AGBL4: variants seen among roughly 807,000 people sequenced by gnomAD.
The protein encoded by AGBL4 is cytosolic carboxypeptidase 6.
AGBL4 carries 58 observed loss-of-function variants against 66.4 expected under a neutral mutation model. The observed-to-expected ratio is 0.87, with a 90% CI of 0.71 to 1.09. AGBL4 has a LOEUF of 1.09. AGBL4 is among the 50% of genes least tolerant of loss of function. The probability of loss-of-function intolerance (pLI) is 0.00; values close to 1 mark genes in which losing one functional copy is unlikely to be tolerated. For synonymous variants in AGBL4, 234 were observed against 222.9 expected, an observed-to-expected ratio of 1.05 and a Z score of -0.44; for missense variants, 579 against 631.0, an observed-to-expected ratio of 0.92 and a Z score of 0.88.
chr1:48,793,587 A>G (rs921697573), intron 6 of AGBL4, among the ~76,000 whole-genome samples: 2 of 152,186 alleles, frequency 1.3e-5, no homozygotes, highest in African/African-American at 4.8e-5. Flanking sequence ...AGAATGTAAT[A>G]TATGCCTGGC....
rs538075205 is a variant in AGBL4, at chr1:49,644,267, A to G, written c.282+53046T>C. 4.6e-5 allele frequency among the ~76,000 whole-genome samples: 7 copies of G among 151,810 alleles called. No homozygotes were observed. The South Asian group carries it at 1.4e-3, about 31-fold the overall frequency. The stretch of plus-strand genomic sequence containing the variant: ...CAAAAATGCTCTACTTACCAAAAGT[A>G]GGCACAAAAAGAGGCAACATTGAAC... On this transcript the variant is annotated intron_variant, in intron 3 of 13. Coordinates refer to ENST00000371839, the MANE Select transcript of AGBL4 (RefSeq NM_032785.4).
At chr1:49,918,602 C>G (rs1651842930) in intron 1 of AGBL4, among the ~76,000 whole-genome samples, 1 of 152,090 alleles carries the variant, frequency 6.6e-6, no homozygotes, top group Non-Finnish European at 1.5e-5. Context: ...TAATAGCCTA[C>G]CAACCAAAAA....
At chr1:49,515,789 C>CA (rs1477435851) in intron 3 of AGBL4, among the ~76,000 whole-genome samples, 2 of 148,782 alleles carry the variant, frequency 1.3e-5, no homozygotes, top group Non-Finnish European at 3.0e-5. Flanking sequence ...ACCGCAAGGA[C>CA]AAAAAACCAA....
intron 1 of AGBL4, among the ~76,000 whole-genome samples, chr1:49,898,715 A>T (rs1649463815): frequency 6.6e-6 from 1 of 152,170 alleles, no homozygotes; most frequent in Non-Finnish European, 1.5e-5. Flanking sequence ...GAAGCAACTC[A>T]AGTGCCTGTA....
chr1:48,845,135 T>C (rs1279553447), intron 6 of AGBL4, among the ~76,000 whole-genome samples: 1 of 152,162 alleles, frequency 6.6e-6, no homozygotes, highest in Non-Finnish European at 1.5e-5. Context: ...GGGTGGTTGG[T>C]CAGTCCTAAA....
chr1:49,624,016 T>A (rs942423631), intron 3 of AGBL4, among the ~76,000 whole-genome samples: 21 of 152,102 alleles, frequency 1.4e-4, no homozygotes, highest in African/African-American at 4.8e-4. Flanking sequence ...TGTGTGTGTG[T>A]GTGTGTGTGT....
At chr1:48,734,008 C>T (rs1192032413) in intron 6 of AGBL4, among the ~76,000 whole-genome samples, 2 of 152,160 alleles carry the variant, frequency 1.3e-5, no homozygotes, top group African/African-American at 4.8e-5. Context: ...GAGTCACGTT[C>T]CAACAAACAT....
chr1:49,111,572 C>T, intron 4 of AGBL4, among the ~76,000 whole-genome samples: 1 of 152,284 alleles, frequency 6.6e-6, no homozygotes, highest in Non-Finnish European at 1.5e-5. Flanking sequence ...CTTCTTTTGA[C>T]CATATCATCT....
intron 1 of AGBL4, among the ~76,000 whole-genome samples, chr1:49,875,670 C>T (rs1646980592): frequency 6.9e-6 from 1 of 144,980 alleles, no homozygotes; most frequent in African/African-American, 2.6e-5. Context: ...GGGTATATAC[C>T]CAGTAATGGG....
chr1:49,941,746 G>T (rs934018769), intron 1 of AGBL4, among the ~76,000 whole-genome samples: 9 of 151,850 alleles, frequency 5.9e-5, no homozygotes, highest in African/African-American at 1.7e-4. Context: ...ACATATTAAA[G>T]ACCATATATG....
rs536247964 is a variant in AGBL4 at position 49,578,350 on chromosome 1, G to A, written c.282+118963C>T. Among the ~76,000 whole-genome samples, 3 of 152,284 alleles carry A rather than the reference G, an allele frequency of 2.0e-5. No individual in the cohort carries two copies. In the South Asian group the frequency reaches 6.2e-4, roughly 32 times the overall value. ...GGCAAACTACAACAGCCCAATCCAG[G>A]CAGGACTGCAAATGGCCCAGACCCT... On this transcript the variant is annotated intron_variant, in intron 3 of 13. Transcript: ENST00000371839.
intron 3 of AGBL4, among the ~76,000 whole-genome samples, chr1:49,583,194 G>C (rs1397893351): frequency 6.6e-6 from 1 of 152,132 alleles, no homozygotes; most frequent in Non-Finnish European, 1.5e-5. Context: ...GATAGCTTCA[G>C]AATAAAGGCT....
At chr1:49,077,207 T>G (rs1033909406) in intron 4 of AGBL4, among the ~76,000 whole-genome samples, 5 of 146,780 alleles carry the variant, frequency 3.4e-5, no homozygotes, top group Non-Finnish European at 5.9e-5. Context: ...GCTTAAAGAT[T>G]GTCAGTGAAT....
chr1:49,424,625 C>A (rs1645617525), intron 3 of AGBL4, among the ~76,000 whole-genome samples: 1 of 152,172 alleles, frequency 6.6e-6, no homozygotes. Flanking sequence ...CCAGTTCCAG[C>A]AAGGCCTCAT....
chr1:49,082,475 T>C (rs1644825571), intron 4 of AGBL4, among the ~76,000 whole-genome samples: 1 of 152,318 alleles, frequency 6.6e-6, no homozygotes, highest in African/African-American at 2.4e-5. Context: ...ACATTTCACA[T>C]GTGGCAGGCA....
intron 6 of AGBL4, among the ~76,000 whole-genome samples, chr1:48,845,284 G>A (rs897021643): frequency 4.1e-4 from 63 of 152,264 alleles, no homozygotes; most frequent in African/African-American, 1.4e-3. Context: ...ATCGGAACAA[G>A]GTGACTTACA....
rs529907113 is a variant in AGBL4, at chr1:49,840,596, T to G, written c.157+10800A>C. The stretch of plus-strand genomic sequence containing the variant: ...GGAAACTTCAGGTCAATATCGCCAA[T>G]GAATGCAGACACAAAAATTCTCAAC... On this transcript the variant is annotated intron_variant, in intron 2 of 13. Coordinates refer to ENST00000371839, the MANE Select transcript of AGBL4 (RefSeq NM_032785.4). 7.9e-5 allele frequency among the ~76,000 whole-genome samples: 12 copies of G among 152,224 alleles called. No homozygotes were observed. The South Asian group carries it at 2.3e-3, about 29-fold the overall frequency.
chr1:50,023,744 A>T lies in AGBL4; in HGVS notation c.34+19T>A. Reference sequence around the variant, plus strand: ...GCCTGGCCGCCTCAGCCTTCCCCAGATCGGCCGCCCCCACAGACCTGCCTC... The same window carrying T: ...GCCTGGCCGCCTCAGCCTTCCCCAGTTCGGCCGCCCCCACAGACCTGCCTC... On this transcript the variant is annotated intron_variant, in intron 1 of 13. Coordinates refer to ENST00000371839, the MANE Select transcript of AGBL4 (RefSeq NM_032785.4). 2 of 1,547,274 alleles carry T rather than the reference A, an allele frequency of 1.3e-6. No individual in the cohort carries two copies. Among genetic ancestry groups the T allele is most frequent in the Non-Finnish European group, 1.7e-6 (2 of 1,145,092 alleles).
At chr1:49,892,226 T>C (rs1421840838) in intron 1 of AGBL4, among the ~76,000 whole-genome samples, 2 of 152,224 alleles carry the variant, frequency 1.3e-5, no homozygotes, top group East Asian at 1.9e-4. Context: ...TTAATAACTA[T>C]ATTATCAATT....
Sources: gnomAD v4.1 joint callset for allele counts (sites outside exome capture counted in the v4.1 genomes callset) on GRCh38, gnomAD v4.1.1 for gene constraint, MANE v1.5 for transcripts, NCBI Gene and HGNC (gene_info 2026-07-23, HGNC 2026-07-21) for gene names.